The following CIT variants were observed in gnomAD, a reference collection of about 807,000 sequenced individuals.
CIT encodes the protein citron rho-interacting serine/threonine kinase.
In CIT, 79 loss-of-function variants were observed where a neutral mutation model predicts 272.7. The observed-to-expected ratio is 0.29, with a 90% CI of 0.24 to 0.35. The LOEUF (loss-of-function observed/expected upper bound fraction) is 0.35. Among genes scored for constraint, CIT ranks in the 10% least tolerant of loss-of-function variants. CIT has a pLI of 1.00. For synonymous variants in CIT, 948 were observed against 995.6 expected (o/e 0.95, Z 0.90); for missense variants, 1,909 against 2,618.3 (o/e 0.73, Z 5.91).
At chr12:119,870,917 G>C (rs184768650) in intron 2 of CIT, among the ~76,000 whole-genome samples, 1 of 151,926 alleles carries the variant, frequency 6.6e-6, no homozygotes, top group Non-Finnish European at 1.5e-5. Context: ...TCAGAAGTTC[G>C]AGACCAGCCT....
Position 119,690,546 on chromosome 12 carries a change from G to T in CIT, c.5883-92C>A. Reference sequence around the variant, plus strand: ...CCTGAGCAACCCCCTCCTTGACCCAGCCTCACCACTGATTATCAAGAGATT... The same window carrying T: ...CCTGAGCAACCCCCTCCTTGACCCATCCTCACCACTGATTATCAAGAGATT... On this transcript the variant is annotated intron_variant, in intron 46 of 47. Transcript: ENST00000392521. The surrounding 1 kb of genome is among the most constrained non-coding windows in gnomAD (Gnocchi z 6.0). 1 of 1,186,798 alleles carries T rather than the reference G, an allele frequency of 8.4e-7. No homozygotes were observed. The highest frequency in any genetic ancestry group is 1.1e-6 in the Non-Finnish European group (1 of 872,216). The allele number at this position is 1,186,798 out of a possible 1,614,324, so 73.5% of individuals were successfully genotyped here.
At chr12:119,794,532 G>A (rs1965566837) in intron 10 of CIT, among the ~76,000 whole-genome samples, 1 of 152,220 alleles carries the variant, frequency 6.6e-6, no homozygotes, top group South Asian at 2.1e-4. Context: ...GTGGGTGGGA[G>A]CATGTGACAT....
intron 41 of CIT, among the ~76,000 whole-genome samples, chr12:119,702,312 G>T (rs559002473): frequency 6.6e-6 from 1 of 152,100 alleles, no homozygotes; most frequent in African/African-American, 2.4e-5. Flanking sequence ...TGATCCATTT[G>T]TTTTCTCTTC....
chr12:119,844,437 A>G (rs1163052303), intron 5 of CIT, among the ~76,000 whole-genome samples: 1 of 152,160 alleles, frequency 6.6e-6, no homozygotes, highest in Admixed American at 6.6e-5. Context: ...GGAATGAATA[A>G]AGACTAAAAA....
At chr12:119,868,130 G>A (rs1378988869) in intron 3 of CIT, among the ~76,000 whole-genome samples, 1 of 152,062 alleles carries the variant, frequency 6.6e-6, no homozygotes, top group Admixed American at 6.5e-5. Context: ...CACTGGGGTG[G>A]AAGGATTGCT....
chr12:119,777,036 C>T (rs1030187975), intron 13 of CIT, among the ~76,000 whole-genome samples, 194 bp from the exon 14 acceptor site: 1 of 152,108 alleles, frequency 6.6e-6, no homozygotes, highest in Non-Finnish European at 1.5e-5. Context: ...AGGTGGATCA[C>T]CTGACGTCAG....
intron 22 of CIT, among the ~76,000 whole-genome samples, 159 bp from the exon 23 acceptor site, chr12:119,752,406 G>C (rs1359517716): frequency 2.0e-5 from 3 of 152,138 alleles, no homozygotes; most frequent in African/African-American, 7.2e-5. Flanking sequence ...CAACAAAATG[G>C]GCCTGAGTTC....
rs1962564235 is a variant in CIT at position 119,767,315 on chromosome 12, TA to T, written c.2209-134del. 4 of 641,376 alleles carry T rather than the reference TA, an allele frequency of 6.2e-6. No homozygotes were observed. In the South Asian group the frequency reaches 1.1e-4, roughly 18 times the overall value. 39.7% of individuals were successfully genotyped at this position (641,376 alleles called of 1,614,324 possible). A position where few individuals can be genotyped will look rare whatever the true frequency, so the allele number is the denominator to read the frequency against. ...GTCATCTGGTCCTCCATTACTAGCC[TA>T]AGGCTCTTGGGAAGGAAACCACCAC... On this transcript the variant is annotated intron_variant, in intron 18 of 47. Coordinates refer to ENST00000392521, the MANE Select transcript of CIT (RefSeq NM_001206999.2).
chr12:119,761,054 A>G lies in CIT; in HGVS notation c.2306T>C (p.Val769Ala). 3 of 1,605,420 alleles carry G rather than the reference A, an allele frequency of 1.9e-6. No individual in the cohort carries two copies. The highest frequency in any genetic ancestry group is 2.6e-6 in the Non-Finnish European group (3 of 1,172,094). Reference protein sequence around the residue: ...KEQHYEEKIKVLDNQIKKDLA... With the variant: ...KEQHYEEKIKALDNQIKKDLA... ...GTCTTTCTTTATCTGATTGTCCAAC[A>G]CCTACAAAAACAAAAGCAGCAGCAA... The change falls in exon 20 of 48, where the codon GTG (valine) becomes GCG (alanine). Residue 769 changes from valine to alanine, a missense_variant and splice_region_variant. Transcript: ENST00000392521.
chr12:119,853,000 C>T (rs1970332668), intron 4 of CIT, among the ~76,000 whole-genome samples: 1 of 152,102 alleles, frequency 6.6e-6, no homozygotes, highest in Non-Finnish European at 1.5e-5. Context: ...TATCTATCTC[C>T]TACTGGTTCC....
intron 4 of CIT, among the ~76,000 whole-genome samples, chr12:119,850,505 A>AGGGAAGGGAAG (rs1166944964): frequency 1.3e-5 from 2 of 150,852 alleles, no homozygotes; most frequent in Admixed American, 6.6e-5. Context: ...AGGGAAGAAA[A>AGGGAAGGGAAG]GGGAAGGGAA....
At chr12:119,825,079 C>T in intron 8 of CIT, 86 bp downstream of exon 8, 5 of 1,199,384 alleles carry the variant, frequency 4.2e-6, no homozygotes, top group Admixed American at 3.9e-5. Flanking sequence ...GGATTACAGG[C>T]ATGAGCCACC....
intron 3 of CIT, among the ~76,000 whole-genome samples, chr12:119,858,753 C>CA (rs1444004840): frequency 6.7e-6 from 1 of 150,146 alleles, no homozygotes; most frequent in Non-Finnish European, 1.5e-5. Context: ...ACCTGGGAGA[C>CA]AGAGCTTGCA....
At chr12:119,714,587 A>C (rs1039819584) in intron 32 of CIT, among the ~76,000 whole-genome samples, 7 of 152,208 alleles carry the variant, frequency 4.6e-5, no homozygotes, top group Admixed American at 2.6e-4. Flanking sequence ...AAAGATGCTC[A>C]ACATTATCAG....
intron 10 of CIT, among the ~76,000 whole-genome samples, chr12:119,798,296 C>G (rs563404626): frequency 2.0e-5 from 3 of 152,322 alleles, no homozygotes; most frequent in African/African-American, 7.2e-5. Flanking sequence ...CTAACAAGCA[C>G]ATGAACCTGG....
intron 5 of CIT, among the ~76,000 whole-genome samples, chr12:119,838,147 A>T (rs1284391363): frequency 6.6e-6 from 1 of 152,074 alleles, no homozygotes; most frequent in East Asian, 1.9e-4. Flanking sequence ...ATCTCGGCTC[A>T]CTGCAACCTC....
chr12:119,810,628 G>A (rs754497878), intron 9 of CIT, among the ~76,000 whole-genome samples: 6 of 151,090 alleles, frequency 4.0e-5, no homozygotes, highest in East Asian at 3.9e-4. Flanking sequence ...CCTCAAACCC[G>A]GGAGACAGAG....
At chr12:119,715,435 G>A (rs1234053489) in intron 32 of CIT, among the ~76,000 whole-genome samples, 2 of 152,176 alleles carry the variant, frequency 1.3e-5, no homozygotes, top group Admixed American at 6.5e-5. Context: ...AGACACAAAG[G>A]CCGCATGCAG....
At chr12:119,808,422 T>C (rs1468480988) in intron 9 of CIT, among the ~76,000 whole-genome samples, 1 of 152,172 alleles carries the variant, frequency 6.6e-6, no homozygotes, top group Non-Finnish European at 1.5e-5. Flanking sequence ...TAGGGGATAA[T>C]TATTTAGACC....
Sources: allele counts gnomAD v4.1 joint callset (sites outside exome capture counted in the v4.1 genomes callset), GRCh38; gene constraint gnomAD v4.1.1; non-coding constraint Gnocchi (gnomAD v3.1); transcripts MANE v1.5; gene names NCBI Gene and HGNC (gene_info 2026-07-23, HGNC 2026-07-21).